IQGAP2: variants seen among roughly 807,000 people sequenced by gnomAD.
IQGAP2 encodes the protein ras GTPase-activating-like protein IQGAP2.
A neutral mutation model predicts 201.3 loss-of-function variants in IQGAP2; 173 were observed. That is an observed-to-expected ratio of 0.86 (90% CI 0.76 to 0.98). IQGAP2 has a LOEUF of 0.98. Among genes scored for constraint, IQGAP2 ranks in the 50% least tolerant of loss-of-function variants. The pLI, the probability that IQGAP2 is intolerant of heterozygous loss-of-function variation, is 0.00. For missense variants in IQGAP2, 1,687 were observed against 1,864.8 expected (o/e 0.90, Z 1.76); for synonymous variants, 675 against 673.9 (o/e 1.00, Z -0.03).
intron 13 of IQGAP2, among the ~76,000 whole-genome samples, chr5:76,625,004 G>A (rs970840266): frequency 2.0e-5 from 3 of 152,188 alleles, no homozygotes; most frequent in Admixed American, 6.5e-5. Context: ...ACCCTGAGAG[G>A]CGGAGGTTGC....
At chr5:76,415,128 A>T (rs948680541) in intron 1 of IQGAP2, among the ~76,000 whole-genome samples, 3 of 152,210 alleles carry the variant, frequency 2.0e-5, no homozygotes, top group African/African-American at 7.2e-5. Flanking sequence ...AGGAGTGGGA[A>T]TGCGATTTGA....
chr5:76,453,033 A>AGCCTC lies in IQGAP2; in HGVS notation c.47-8536_47-8532dup, dbSNP rs567874219. Among the ~76,000 whole-genome samples the AGCCTC allele has an allele frequency of 5.4e-3, 804 of 150,166 alleles. 1 individual carries two copies. Among genetic ancestry groups the AGCCTC allele is most frequent in the Non-Finnish European group, 9.0e-3 (614 of 67,870 alleles). On this transcript the variant is annotated intron_variant, in intron 1 of 35. Transcript: ENST00000274364. Reference sequence around the variant, plus strand: ...CCCAGTTAAGCAATTCTCCTGCCTCAGCCTCCTGAGTAGCTGGGATTACAG... The same window carrying AGCCTC: ...CCCAGTTAAGCAATTCTCCTGCCTCAGCCTCGCCTCCTGAGTAGCTGGGATTACAG...
chr5:76,423,243 G>T (rs538118110), intron 1 of IQGAP2, among the ~76,000 whole-genome samples: 4 of 152,158 alleles, frequency 2.6e-5, no homozygotes, highest in Non-Finnish European at 5.9e-5. Context: ...CATGAACAGC[G>T]ATGTGCATTG....
Position 76,634,115 on chromosome 5 carries a change from G to C in IQGAP2, c.1780+2089G>C, listed in dbSNP as rs139356014. Among the ~76,000 whole-genome samples, 35 of 151,958 alleles carry C rather than the reference G, an allele frequency of 2.3e-4. No homozygotes were observed. In the Middle Eastern group the frequency reaches 0.014, roughly 59 times the overall value. The stretch of plus-strand genomic sequence containing the variant: ...TAATCATTTTTAGTAAATTTCTTGT[G>C]CTGCCATCCGCCTTAATAAATAAAG... On this transcript the variant is annotated intron_variant, in intron 15 of 35. Transcript: ENST00000274364.
chr5:76,604,241 T>C (rs1037166423), intron 11 of IQGAP2, among the ~76,000 whole-genome samples: 17 of 152,198 alleles, frequency 1.1e-4, no homozygotes, highest in African/African-American at 4.1e-4. Context: ...GTTTGGTTTC[T>C]GTTCCTGTTA....
intron 2 of IQGAP2, among the ~76,000 whole-genome samples, chr5:76,532,963 C>G (rs1759401108): frequency 6.6e-6 from 1 of 152,210 alleles, no homozygotes; most frequent in South Asian, 2.1e-4. Context: ...AAATCAAGCC[C>G]CCAACTGGCC....
intron 23 of IQGAP2, among the ~76,000 whole-genome samples, chr5:76,671,548 T>C (rs1412780665): frequency 6.6e-6 from 1 of 151,736 alleles, no homozygotes; most frequent in Non-Finnish European, 1.5e-5. Context: ...GCCCCGGGCA[T>C]GTGGTGGTGC....
chr5:76,565,555 T>C (rs1441735383), intron 3 of IQGAP2, among the ~76,000 whole-genome samples: 1 of 152,234 alleles, frequency 6.6e-6, no homozygotes, highest in Non-Finnish European at 1.5e-5. Flanking sequence ...GCCCACGCCA[T>C]GTGCACTGCA....
chr5:76,409,241 C>CTTTTTTTTTTTTT (rs35574851), intron 1 of IQGAP2, among the ~76,000 whole-genome samples: 2 of 79,368 alleles, frequency 2.5e-5, no homozygotes, highest in Non-Finnish European at 4.5e-5. Context: ...AATACATGGG[C>CTTTTTTTTTTTTT]TTTTTTTTTT....
At chr5:76,473,618 G>A (rs1040102627) in intron 2 of IQGAP2, among the ~76,000 whole-genome samples, 1 of 152,168 alleles carries the variant, frequency 6.6e-6, no homozygotes, top group Non-Finnish European at 1.5e-5. Flanking sequence ...TGGAATTACA[G>A]GCATCAGCTA....
intron 2 of IQGAP2, among the ~76,000 whole-genome samples, chr5:76,550,289 C>G (rs1346360453): frequency 6.6e-6 from 1 of 151,376 alleles, no homozygotes; most frequent in Non-Finnish European, 1.5e-5. Context: ...ATTTTAAGGC[C>G]TGAAAATAAT....
chr5:76,526,585 T>G (rs1758988432), intron 2 of IQGAP2, among the ~76,000 whole-genome samples: 1 of 152,240 alleles, frequency 6.6e-6, no homozygotes, highest in South Asian at 2.1e-4. Context: ...TTATAAATGT[T>G]TTAACAATAA....
intron 1 of IQGAP2, chr5:76,441,417 T>C (rs1396695704): frequency 2.6e-6 from 2 of 768,544 alleles, no homozygotes; most frequent in African/African-American, 3.8e-5. Flanking sequence ...CTACCTAAAG[T>C]ACCTACTTTT....
intron 17 of IQGAP2, 134 bp from the exon 18 acceptor site, chr5:76,652,616 A>C: frequency 1.4e-6 from 1 of 722,126 alleles, no homozygotes; most frequent in South Asian, 1.5e-5. Context: ...GAGGGTGTCC[A>C]GATGAGATCT....
chr5:76,582,918 G>C (rs1042058238), intron 5 of IQGAP2, among the ~76,000 whole-genome samples: 5 of 152,208 alleles, frequency 3.3e-5, no homozygotes, highest in Middle Eastern at 3.4e-3. Context: ...TCAATGAGTC[G>C]GTAGCTACCT....
chr5:76,445,551 G>A (rs781392247), intron 1 of IQGAP2, among the ~76,000 whole-genome samples: 2 of 148,040 alleles, frequency 1.4e-5, no homozygotes, highest in South Asian at 2.1e-4. Context: ...TGCAAACTTC[G>A]CCTCCTGGGT....
rs529906002 is a variant in IQGAP2, at chr5:76,675,652, T to G, written c.3527+943T>G. On this transcript the variant is annotated intron_variant, in intron 27 of 35. Transcript: ENST00000274364. ...CCATTTAATCAACAGGCCATAGAAG[T>G]GTAACATCAGTTTGGCCTCTTTTAA... Among the ~76,000 whole-genome samples, 4 of 152,276 alleles carry G rather than the reference T, an allele frequency of 2.6e-5. No individual in the cohort carries two copies. In the South Asian group the frequency reaches 8.3e-4, roughly 32 times the overall value.
At chr5:76,676,521 A>G (rs957137953) in intron 27 of IQGAP2, among the ~76,000 whole-genome samples, 5 of 152,272 alleles carry the variant, frequency 3.3e-5, no homozygotes, top group African/African-American at 1.2e-4. Context: ...TTCGACCTGC[A>G]CAAGAATTGT....
chr5:76,617,605 A>G, intron 13 of IQGAP2: 1 of 1,612,964 alleles, frequency 6.2e-7, no homozygotes. Context: ...TAAGCAGTGG[A>G]GTGATTTCTG....
Sources: allele counts gnomAD v4.1 joint callset (sites outside exome capture counted in the v4.1 genomes callset), GRCh38; gene constraint gnomAD v4.1.1; transcripts MANE v1.5; gene names NCBI Gene and HGNC (gene_info 2026-07-23, HGNC 2026-07-21).